The following ATXN7L1 variants were observed in gnomAD, a reference collection of about 807,000 sequenced individuals.
ATXN7L1 encodes the protein ataxin-7-like protein 1.
A neutral mutation model predicts 70.8 loss-of-function variants in ATXN7L1; 15 were observed. That is an observed-to-expected ratio of 0.21 (90% confidence interval 0.14 to 0.33). ATXN7L1 has a LOEUF of 0.33. ATXN7L1 is among the 10% of genes least tolerant of loss of function. The pLI is 1.00. For synonymous variants in ATXN7L1, 440 were observed against 445.1 expected (o/e 0.99, Z 0.14); for missense variants, 975 against 1,097.1 (o/e 0.89, Z 1.57).
At chr7:105,835,626 A>G (rs954493368) in intron 2 of ATXN7L1, among the ~76,000 whole-genome samples, 1 of 152,086 alleles carries the variant, frequency 6.6e-6, no homozygotes, top group Non-Finnish European at 1.5e-5. Flanking sequence ...CACTTCACAC[A>G]CTGGTCTTAG....
At chr7:105,657,153 G>A (rs868862230) in intron 4 of ATXN7L1, among the ~76,000 whole-genome samples, 2 of 152,210 alleles carry the variant, frequency 1.3e-5, no homozygotes, top group African/African-American at 4.8e-5. Context: ...GCAATGGAAC[G>A]AACTTGGGCA....
chr7:105,854,377 T>C (rs1815377287), intron 2 of ATXN7L1, among the ~76,000 whole-genome samples: 1 of 150,992 alleles, frequency 6.6e-6, no homozygotes. Flanking sequence ...TTCTGGAGGC[T>C]GCTGAGCGTC....
At chr7:105,610,708 T>C (rs1793070577) in intron 10 of ATXN7L1, 105 bp from the exon 11 acceptor site, 1 of 930,018 alleles carries the variant, frequency 1.1e-6, no homozygotes, top group African/African-American at 1.7e-5. Context: ...AATGCCTCCT[T>C]CATTCCCTCA....
chr7:105,740,537 C>T (rs2116358193), intron 3 of ATXN7L1, among the ~76,000 whole-genome samples: 1 of 152,246 alleles, frequency 6.6e-6, no homozygotes, highest in Admixed American at 6.5e-5. Flanking sequence ...ACCCAAAGTT[C>T]TCCCAAGTGA....
chr7:105,609,971 C>T (rs909017148), intron 11 of ATXN7L1, among the ~76,000 whole-genome samples: 1 of 151,966 alleles, frequency 6.6e-6, no homozygotes, highest in Non-Finnish European at 1.5e-5. Flanking sequence ...TGGTGTTTCA[C>T]TATATTGGCC....
At chr7:105,862,831 G>T (rs1310286916) in intron 2 of ATXN7L1, among the ~76,000 whole-genome samples, 1 of 152,168 alleles carries the variant, frequency 6.6e-6, no homozygotes, top group South Asian at 2.1e-4. Context: ...GGAAGTAAAT[G>T]TTGCCACATC....
intron 7 of ATXN7L1, among the ~76,000 whole-genome samples, chr7:105,628,007 G>C (rs899517176): frequency 6.6e-6 from 1 of 151,352 alleles, no homozygotes; most frequent in African/African-American, 2.4e-5. Context: ...ACCATGCCCG[G>C]CTAATTTTTG....
chr7:105,630,931 G>C (rs549287912), intron 7 of ATXN7L1, among the ~76,000 whole-genome samples: 18 of 152,190 alleles, frequency 1.2e-4, no homozygotes, highest in East Asian at 7.7e-4. Flanking sequence ...ACACAGGAAA[G>C]GTGGTCTTCA....
rs1050007295 is a variant in ATXN7L1 at position 105,788,846 on chromosome 7, A to G, written c.251-138T>C. Reference sequence around the variant, plus strand: ...AAGGCAATAATCTTTACTAACGGGAACTCGGTTTGTCATAAGGCAACTCCC... The same window carrying G: ...AAGGCAATAATCTTTACTAACGGGAGCTCGGTTTGTCATAAGGCAACTCCC... On this transcript the variant is annotated intron_variant, in intron 2 of 11. Transcript: ENST00000419735. The G allele has an allele frequency of 3.6e-5, 25 of 694,254 alleles. No homozygotes were observed. The African/African-American group carries it at 3.9e-4, about 11-fold the overall frequency. The allele number at this position is 694,254 out of a possible 1,614,324, so 43.0% of individuals were successfully genotyped here.
intron 4 of ATXN7L1, among the ~76,000 whole-genome samples, chr7:105,658,582 G>GTGCA (rs71155467): frequency 0.19 from 27,405 of 144,954 alleles, 2,977 homozygotes; most frequent in African/African-American, 0.3. Context: ...CCAGGCTGGA[G>GTGCA]TGCAGTGCCA....
rs1797934305 is a variant in ATXN7L1 at position 105,740,792 on chromosome 7, T to G, written c.355+47812A>C. Among the ~76,000 whole-genome samples, 2 of 140,858 alleles carry G rather than the reference T, an allele frequency of 1.4e-5. 1 individual carries two copies. The highest frequency in any genetic ancestry group is 5.6e-5 in the African/African-American group (2 of 35,410). 92.4% of individuals were successfully genotyped at this position (140,858 alleles called of 152,430 possible). ...TCATTTTTTTTTTTTTTTAATGGAG[T>G]CTCACTCTGTCGCCCAGGCTGGAGT... On this transcript the variant is annotated intron_variant, in intron 3 of 11. Transcript: ENST00000419735.
At chr7:105,671,293 A>T in intron 3 of ATXN7L1, among the ~76,000 whole-genome samples, 1 of 151,654 alleles carries the variant, frequency 6.6e-6, no homozygotes, top group East Asian at 1.9e-4. Flanking sequence ...AAAAAAAAAA[A>T]AAAATTTATT....
chr7:105,660,623 C>T (rs912598002), intron 4 of ATXN7L1, among the ~76,000 whole-genome samples: 3 of 132,192 alleles, frequency 2.3e-5, no homozygotes, highest in Non-Finnish European at 3.1e-5. Flanking sequence ...TGCTCTGTCG[C>T]CCAGGCTGGA....
At chr7:105,852,684 A>G (rs77653006) in intron 2 of ATXN7L1, among the ~76,000 whole-genome samples, 15,650 of 151,382 alleles carry the variant, frequency 0.1, 1,048 homozygotes, top group East Asian at 0.22. Context: ...CTGAAGCATC[A>G]TCCCAGTCAC....
chr7:105,757,751 T>G, intron 3 of ATXN7L1, among the ~76,000 whole-genome samples: 1 of 125,636 alleles, frequency 8.0e-6, no homozygotes, highest in East Asian at 2.4e-4. Context: ...CCTGGCTAAT[T>G]TTGACATTTT....
chr7:105,761,803 C>T (rs1446938206), intron 3 of ATXN7L1, among the ~76,000 whole-genome samples: 1 of 152,138 alleles, frequency 6.6e-6, no homozygotes, highest in Non-Finnish European at 1.5e-5. Flanking sequence ...ATTATTCATG[C>T]CTTGATAGAA....
At chr7:105,869,837 T>C (rs989116444) in intron 2 of ATXN7L1, among the ~76,000 whole-genome samples, 1 of 152,096 alleles carries the variant, frequency 6.6e-6, no homozygotes, top group Non-Finnish European at 1.5e-5. Flanking sequence ...AAACAACTTA[T>C]CGATCATTGA....
chr7:105,746,785 C>T (rs1426908513), intron 3 of ATXN7L1, among the ~76,000 whole-genome samples: 1 of 152,098 alleles, frequency 6.6e-6, no homozygotes, highest in African/African-American at 2.4e-5. Context: ...AAGCAAGGAG[C>T]AGAATGATGC....
intron 2 of ATXN7L1, among the ~76,000 whole-genome samples, chr7:105,816,493 A>G (rs1335573409): frequency 6.6e-6 from 1 of 152,220 alleles, no homozygotes; most frequent in Non-Finnish European, 1.5e-5. Context: ...TTAGTGTGAA[A>G]TGGTTCAGAT....
Sources: gnomAD v4.1 joint callset for allele counts (sites outside exome capture counted in the v4.1 genomes callset) on GRCh38, gnomAD v4.1.1 for gene constraint, MANE v1.5 for transcripts, NCBI Gene and HGNC (gene_info 2026-07-23, HGNC 2026-07-21) for gene names.